The following ADRA1B variants were observed in gnomAD, a reference collection of about 807,000 sequenced individuals.
The protein encoded by ADRA1B is adrenoceptor alpha 1B, also known as alpha-1B adrenergic receptor.
ADRA1B carries 17 observed loss-of-function variants against 17.9 expected under a neutral mutation model. The ratio of observed to expected loss-of-function variants is 0.95; its 90% CI spans 0.65 to 1.42. The LOEUF is 1.42. ADRA1B is among the 40% of genes most tolerant of loss of function. The pLI is 0.00. For missense variants in ADRA1B, 681 were observed against 722.1 expected, an observed-to-expected ratio of 0.94 and a Z score of 0.65; for synonymous variants, 366 against 327.6, an observed-to-expected ratio of 1.12 and a Z score of -1.27.
At position 159,942,732 on chromosome 5, in the gene ADRA1B, T is replaced by C. The variant is rs114232921; in HGVS notation, c.949+24878T>C. Among the ~76,000 whole-genome samples, 1,292 of 152,084 alleles carry C rather than the reference T, an allele frequency of 8.5e-3. 13 individuals are homozygous for C. Among genetic ancestry groups the C allele is most frequent in the African/African-American group, 0.027 (1,116 of 41,484 alleles). On this transcript the variant is annotated intron_variant, in intron 1 of 1. Coordinates refer to ENST00000306675, the MANE Select transcript of ADRA1B (RefSeq NM_000679.4). ...AGTATGAAATGTTACATTTTTTAAA[T>C]CCCAAATATTCTATTTTCTATGAGT...
At chr5:159,946,381 CA>C (rs1309541326) in intron 1 of ADRA1B, among the ~76,000 whole-genome samples, 3 of 152,290 alleles carry the variant, frequency 2.0e-5, no homozygotes, top group African/African-American at 7.2e-5. Flanking sequence ...GAGCACCAAT[CA>C]GAAGGGATGG....
chr5:159,988,297 C>T, the ADRA1B span, among the ~76,000 whole-genome samples: 5 of 152,150 alleles, frequency 3.3e-5, no homozygotes, highest in Non-Finnish European at 4.4e-5. Context: ...CCAGGAGCCT[C>T]GGGAAAGAAT....
At chr5:159,899,259 G>A (rs10078811) in intron 1 of ADRA1B, among the ~76,000 whole-genome samples, 29 of 136,270 alleles carry the variant, frequency 2.1e-4, no homozygotes, top group Middle Eastern at 3.6e-3. Flanking sequence ...AGGAAGGAAG[G>A]AAGAAAGGAA....
intron 1 of ADRA1B, among the ~76,000 whole-genome samples, chr5:159,908,759 C>T (rs987060941): frequency 6.6e-6 from 1 of 152,218 alleles, no homozygotes; most frequent in Admixed American, 6.5e-5. Context: ...TGGCACAATG[C>T]TGCATGCATA....
At chr5:159,923,735 G>A (rs192479084) in intron 1 of ADRA1B, among the ~76,000 whole-genome samples, 194 of 152,364 alleles carry the variant, frequency 1.3e-3, no homozygotes, top group African/African-American at 4.4e-3. Context: ...TCTGGAGGAG[G>A]GGGCTGTTTT....
rs1190905382 is a variant in ADRA1B at position 159,917,856 on chromosome 5, T to TA, written c.949+4dup. The TA allele has an allele frequency of 6.3e-7, 1 of 1,595,236 alleles. No individual in the cohort carries two copies. The highest frequency in any genetic ancestry group is 1.1e-5 in the South Asian group (1 of 87,398). On this transcript the variant is annotated splice_region_variant and intron_variant, in intron 1 of 1. Transcript: ENST00000306675. ...CCTTCTTCATCGCTCTACCGCTTGG[T>TA]AAGTTGGGGACTAGCAGCAGGGGGA...
At chr5:159,891,616 G>A (rs1367667854) in intron 1 of ADRA1B, among the ~76,000 whole-genome samples, 2 of 152,128 alleles carry the variant, frequency 1.3e-5, no homozygotes, top group African/African-American at 4.8e-5. Flanking sequence ...GTGGAAAGGC[G>A]CAAAATAAAT....
intron 1 of ADRA1B, among the ~76,000 whole-genome samples, chr5:159,908,152 A>G (rs924154027): frequency 6.6e-6 from 1 of 152,174 alleles, no homozygotes; most frequent in Non-Finnish European, 1.5e-5. Flanking sequence ...AGACCTCACC[A>G]TGGAGACAGG....
chr5:159,966,399 T>C (rs2113290686), intron 1 of ADRA1B, among the ~76,000 whole-genome samples: 1 of 152,300 alleles, frequency 6.6e-6, no homozygotes, highest in Non-Finnish European at 1.5e-5. Context: ...CCCATCTTAC[T>C]GATGAGGAAC....
chr5:159,874,642 A>G (rs1753783473), intron 1 of ADRA1B, among the ~76,000 whole-genome samples: 1 of 152,192 alleles, frequency 6.6e-6, no homozygotes, highest in African/African-American at 2.4e-5. Context: ...GAAAATTTTT[A>G]ATTTGATGAC....
chr5:159,907,917 G>A (rs1174432981), intron 1 of ADRA1B, among the ~76,000 whole-genome samples: 3 of 150,300 alleles, frequency 2.0e-5, no homozygotes, highest in South Asian at 2.1e-4. Context: ...TTTGTCTTTG[G>A]CATCTATAGC....
intron 1 of ADRA1B, among the ~76,000 whole-genome samples, chr5:159,896,974 A>G (rs1209500009): frequency 1.3e-5 from 2 of 152,234 alleles, no homozygotes; most frequent in Non-Finnish European, 2.9e-5. Context: ...ATATGAGACA[A>G]TGGAAAAATA....
chr5:159,977,742 G>A (rs1331054942), downstream of ADRA1B, among the ~76,000 whole-genome samples: 1 of 152,102 alleles, frequency 6.6e-6, no homozygotes, highest in Non-Finnish European at 1.5e-5. Flanking sequence ...TGGGTGTTGG[G>A]GTGAGGAGGG....
At chr5:159,916,337 T>G, upstream of ADRA1B, 1 of 151,240 alleles carries the variant, frequency 6.6e-6, no homozygotes, top group African/African-American at 2.4e-5. Flanking sequence ...GGGCGCGCCC[T>G]GGGAGCGGCG....
the ADRA1B span, among the ~76,000 whole-genome samples, chr5:159,978,273 A>T: frequency 2.0e-5 from 3 of 152,058 alleles, no homozygotes; most frequent in Non-Finnish European, 4.4e-5. Context: ...AATGTGTACT[A>T]CCCTGCCATG....
chr5:159,876,305 C>A lies in ADRA1B; in HGVS notation c.-256+11099C>A, dbSNP rs957824422. Reference sequence around the variant, plus strand: ...TCAAGGCTCTGCATCGGCTTCTGTGCCATGTTTTTGGCTTTCTCCTCACAG... The same window carrying A: ...TCAAGGCTCTGCATCGGCTTCTGTGACATGTTTTTGGCTTTCTCCTCACAG... On this transcript the variant is annotated intron_variant, in intron 1 of 2. Coordinates refer to the ADRA1B transcript ENST00000641205. Among the ~76,000 whole-genome samples the A allele has an allele frequency of 4.6e-5, 7 of 152,342 alleles. No homozygotes were observed. The East Asian group carries it at 1.2e-3, about 25-fold the overall frequency.
At chr5:159,898,265 G>A (rs942857171) in intron 1 of ADRA1B, among the ~76,000 whole-genome samples, 2 of 152,196 alleles carry the variant, frequency 1.3e-5, no homozygotes, top group African/African-American at 4.8e-5. Flanking sequence ...CATATCACTG[G>A]TTCCCTGTGA....
intron 1 of ADRA1B, among the ~76,000 whole-genome samples, chr5:159,941,105 G>T (rs1234105384): frequency 6.6e-6 from 1 of 152,196 alleles, no homozygotes; most frequent in Non-Finnish European, 1.5e-5. Flanking sequence ...TTACACACAG[G>T]AGAGAATAAG....
chr5:159,869,932 T>C (rs1753713778), intron 1 of ADRA1B: 1 of 152,196 alleles, frequency 6.6e-6, no homozygotes, highest in African/African-American at 2.4e-5. Flanking sequence ...ACTGCTGTAA[T>C]ATATTGCAGC....
Sources: allele counts gnomAD v4.1 joint callset (sites outside exome capture counted in the v4.1 genomes callset), GRCh38; gene constraint gnomAD v4.1.1; transcripts MANE v1.5; gene names NCBI Gene and HGNC (gene_info 2026-07-23, HGNC 2026-07-21).